Variants in PRIM2 observed in about 807,000 individuals in gnomAD.
The protein encoded by PRIM2 is DNA primase subunit 2, also known as DNA primase large subunit.
A neutral mutation model predicts 67.3 loss-of-function variants in PRIM2; 39 were observed. That is an observed-to-expected ratio of 0.58 (90% CI 0.45 to 0.76). PRIM2 has a LOEUF of 0.76. PRIM2 is among the 30% of genes least tolerant of loss of function. The probability of loss-of-function intolerance (pLI) is 0.00; values close to 1 mark genes in which losing one functional copy is unlikely to be tolerated. For missense variants in PRIM2, 398 were observed against 598.7 expected, an observed-to-expected ratio of 0.66 and a Z score of 3.50; for synonymous variants, 143 against 198.7, an observed-to-expected ratio of 0.72 and a Z score of 2.36.
chr6:57,453,612 C>T (rs1301450596), intron 7 of PRIM2, among the ~76,000 whole-genome samples: 1 of 152,138 alleles, frequency 6.6e-6, no homozygotes, highest in African/African-American at 2.4e-5. Context: ...TATAAGAATG[C>T]TTGTGATTTT....
chr6:57,245,152 C>T, the PRIM2 span, among the ~76,000 whole-genome samples: 1 of 152,162 alleles, frequency 6.6e-6, no homozygotes, highest in African/African-American at 2.4e-5. Flanking sequence ...GGCCTACCCA[C>T]CTTGGAGCCC....
the PRIM2 span, among the ~76,000 whole-genome samples, chr6:57,236,887 T>A: frequency 1.3e-5 from 2 of 152,244 alleles, no homozygotes; most frequent in African/African-American, 4.8e-5. Flanking sequence ...CTTGTGCATG[T>A]GTCCTTATAA....
At chr6:57,275,590 G>C in the PRIM2 span, among the ~76,000 whole-genome samples, 68 of 152,364 alleles carry the variant, frequency 4.5e-4, no homozygotes, top group African/African-American at 1.6e-3. Flanking sequence ...GGACTGCCAG[G>C]CTGCTAGAGA....
At chr6:57,644,118 C>T (rs1459980943) in intron 13 of PRIM2, among the ~76,000 whole-genome samples, 2 of 152,184 alleles carry the variant, frequency 1.3e-5, no homozygotes, top group African/African-American at 4.8e-5. Flanking sequence ...AGAATTAGGT[C>T]TTGACCACTT....
At chr6:57,257,270 AT>A in the PRIM2 span, among the ~76,000 whole-genome samples, 15,122 of 144,542 alleles carry the variant, frequency 0.1, 851 homozygotes, top group Middle Eastern at 0.25. Context: ...ATCTGTAGGC[AT>A]TTTTTTTTTT....
chr6:57,260,569 G>A, the PRIM2 span, among the ~76,000 whole-genome samples: 1 of 152,122 alleles, frequency 6.6e-6, no homozygotes, highest in Admixed American at 6.5e-5. Flanking sequence ...ATAGCATGAT[G>A]TCATACGTTT....
chr6:57,418,391 T>TTTTTTTTTTTTC (rs1771348770), intron 7 of PRIM2, among the ~76,000 whole-genome samples: 1 of 94,556 alleles, frequency 1.1e-5, no homozygotes, highest in African/African-American at 5.2e-5. Flanking sequence ...TGGTTTTTTT[T>TTTTTTTTTTTTC]TTTTTTTTTT....
intron 10 of PRIM2, among the ~76,000 whole-genome samples, chr6:57,567,100 T>C (rs1775758389): frequency 6.6e-6 from 1 of 152,172 alleles, no homozygotes; most frequent in Non-Finnish European, 1.5e-5. Flanking sequence ...GCTATACCTT[T>C]ACTTCTACCA....
intron 3 of PRIM2, 70 bp from the exon 4 acceptor site, chr6:57,324,131 G>T: frequency 1.2e-6 from 1 of 828,090 alleles, no homozygotes; most frequent in South Asian, 1.5e-5. Context: ...GGCTTAGGCT[G>T]GCTCAGTATT....
intron 10 of PRIM2, among the ~76,000 whole-genome samples, chr6:57,585,854 A>G (rs1465698388): frequency 2.6e-5 from 4 of 152,344 alleles, no homozygotes; most frequent in Admixed American, 1.3e-4. Flanking sequence ...CTCTTCTCTC[A>G]GCAATCTAAG....
the PRIM2 span, among the ~76,000 whole-genome samples, chr6:57,279,621 T>TATAGGAGAA: frequency 6.6e-6 from 1 of 152,106 alleles, no homozygotes; most frequent in African/African-American, 2.4e-5. Context: ...ATGGCGGCGC[T>TATAGGAGAA]ACAGGAGAAA....
intron 7 of PRIM2, among the ~76,000 whole-genome samples, chr6:57,422,388 T>G (rs1771495304): frequency 6.6e-6 from 1 of 151,982 alleles, no homozygotes; most frequent in Admixed American, 6.6e-5. Context: ...CCTCCCGCCT[T>G]GGCCTCCCAA....
chr6:57,245,559 A>G, the PRIM2 span, among the ~76,000 whole-genome samples: 3 of 152,146 alleles, frequency 2.0e-5, no homozygotes, highest in African/African-American at 7.2e-5. Flanking sequence ...TCCCTCTTTC[A>G]GGTTTCAGTT....
chr6:57,457,882 G>C (rs376224967), intron 7 of PRIM2, among the ~76,000 whole-genome samples: 2 of 152,176 alleles, frequency 1.3e-5, no homozygotes, highest in Non-Finnish European at 2.9e-5. Context: ...CGTTGCTCAC[G>C]CTGGGAGCTA....
At chr6:57,441,817 T>G (rs1478763165) in intron 7 of PRIM2, among the ~76,000 whole-genome samples, 1 of 152,172 alleles carries the variant, frequency 6.6e-6, no homozygotes, top group Non-Finnish European at 1.5e-5. Context: ...AATCTGCAAG[T>G]TAACAGGCAA....
At chr6:57,589,653 T>G (rs1167549592) in intron 10 of PRIM2, among the ~76,000 whole-genome samples, 3 of 152,220 alleles carry the variant, frequency 2.0e-5, no homozygotes, top group Non-Finnish European at 4.4e-5. Flanking sequence ...TGTTCCTTTT[T>G]GCTCTAGGGC....
chr6:57,382,171 G>A lies in PRIM2; in HGVS notation c.693+3G>A, dbSNP rs4256440. 7 of 1,611,558 alleles carry A rather than the reference G, an allele frequency of 4.3e-6. No individual in the cohort carries two copies. In the African/African-American group the frequency reaches 5.3e-5, roughly 12 times the overall value. On this transcript the variant is annotated splice_donor_region_variant and intron_variant, in intron 7 of 13. Transcript: ENST00000615550. The stretch of plus-strand genomic sequence containing the variant: ...CCAAACTGTCCAAGGCTTTGGCAGT[G>A]AGTATTTTACTTGATTTCTGTATCT...
intron 5 of PRIM2, among the ~76,000 whole-genome samples, chr6:57,342,552 A>C (rs868170871): frequency 6.6e-6 from 1 of 152,202 alleles, no homozygotes; most frequent in Non-Finnish European, 1.5e-5. Flanking sequence ...GATGCTTTTT[A>C]AAACCTCCTT....
the PRIM2 span, among the ~76,000 whole-genome samples, chr6:57,252,728 A>G: frequency 6.6e-6 from 1 of 152,212 alleles, no homozygotes; most frequent in Non-Finnish European, 1.5e-5. Context: ...GGCATGAGCC[A>G]CTGTGCCCGG....
Sources: gnomAD v4.1 joint callset for allele counts (sites outside exome capture counted in the v4.1 genomes callset) on GRCh38, gnomAD v4.1.1 for gene constraint, MANE v1.5 for transcripts, NCBI Gene and HGNC (gene_info 2026-07-23, HGNC 2026-07-21) for gene names.